Variants in PCDHGB3 observed in about 807,000 individuals in gnomAD.
PCDHGB3 encodes protocadherin gamma-B3.
PCDHGB3 carries 40 observed loss-of-function variants against 59.2 expected under a neutral mutation model. The observed-to-expected ratio is 0.68, with a 90% CI of 0.52 to 0.88. PCDHGB3 has a LOEUF of 0.88. PCDHGB3 is among the 40% of genes least tolerant of loss of function. The pLI, the probability that PCDHGB3 is intolerant of heterozygous loss-of-function variation, is 0.00. For missense variants in PCDHGB3, 1,309 were observed against 1,187.9 expected (o/e 1.10, Z -1.50); for synonymous variants, 581 against 503.6 (o/e 1.15, Z -2.06).
At chr5:141,375,769 C>G in intron 1 of PCDHGB3, 2 of 1,614,238 alleles carry the variant, frequency 1.2e-6, no homozygotes, top group Non-Finnish European at 1.7e-6. Context: ...CGCCCGAGAT[C>G]CTGTACCCCG....
chr5:141,381,725 G>T (rs568567698), intron 1 of PCDHGB3, among the ~76,000 whole-genome samples: 1 of 151,768 alleles, frequency 6.6e-6, no homozygotes, highest in Admixed American at 6.6e-5. Flanking sequence ...AAGACTGGGA[G>T]TGAGAATATT....
intron 1 of PCDHGB3, chr5:141,423,072 G>A: frequency 1.2e-6 from 2 of 1,614,120 alleles, no homozygotes; most frequent in Non-Finnish European, 1.7e-6. Flanking sequence ...CCAGCGAGCC[G>A]GGACTCTTCG....
At chr5:141,393,335 C>T (rs764386599) in intron 1 of PCDHGB3, 1 of 1,613,458 alleles carries the variant, frequency 6.2e-7, no homozygotes, top group South Asian at 1.1e-5. Flanking sequence ...AGCTCAGCCC[C>T]AATCACCACT....
intron 1 of PCDHGB3, chr5:141,410,314 C>T: frequency 6.2e-7 from 1 of 1,614,036 alleles, no homozygotes; most frequent in Non-Finnish European, 8.5e-7. Context: ...TGCTCTTCCT[C>T]CTCGCCGTGA....
intron 1 of PCDHGB3, chr5:141,404,337 C>A (rs766940096): frequency 6.2e-6 from 10 of 1,613,902 alleles, no homozygotes; most frequent in Middle Eastern, 3.3e-4. Flanking sequence ...GTCTACCTCC[C>A]GGAAAACAAC....
At chr5:141,408,266 C>G in intron 1 of PCDHGB3, 1 of 1,608,708 alleles carries the variant, frequency 6.2e-7, no homozygotes, top group Non-Finnish European at 8.5e-7. Flanking sequence ...TCCTTTGCTG[C>G]TGCCTTTGTT....
intron 1 of PCDHGB3, chr5:141,417,840 A>G (rs2096168680): frequency 2.0e-6 from 3 of 1,536,422 alleles, no homozygotes; most frequent in African/African-American, 2.8e-5. Context: ...GCGGGGACCC[A>G]GCGAGAACCC....
chr5:141,423,782 C>A (rs1458189260), intron 1 of PCDHGB3: 2 of 1,243,328 alleles, frequency 1.6e-6, no homozygotes, highest in Non-Finnish European at 1.0e-6. Context: ...ATATTTAGTT[C>A]ATATATATTT....
rs199877605 is a variant in PCDHGB3 at position 141,421,311 on chromosome 5, G to A, written c.2415+48502G>A. The A allele has an allele frequency of 9.5e-5, 154 of 1,613,788 alleles. No individual in the cohort carries two copies. The African/African-American group carries it at 1.9e-3, about 20-fold the overall frequency. On this transcript the variant is annotated intron_variant, in intron 1 of 3. Coordinates refer to ENST00000576222, the MANE Select transcript of PCDHGB3 (RefSeq NM_018924.5). ...TCCTGGGGACGCTGCGGGGGTTCCG[G>A]GCCAGGCAGATCCGATATTCGGTGC... is the stretch of plus-strand genomic sequence containing the variant.
chr5:141,386,298 A>T (rs1459802596), intron 1 of PCDHGB3, among the ~76,000 whole-genome samples: 1 of 152,242 alleles, frequency 6.6e-6, no homozygotes, highest in African/African-American at 2.4e-5. Flanking sequence ...ACATTTTAGT[A>T]AAGCTCAGTA....
At chr5:141,375,139 A>G (rs1406415297) in intron 1 of PCDHGB3, 11 of 1,613,936 alleles carry the variant, frequency 6.8e-6, no homozygotes, top group Non-Finnish European at 9.3e-6. Context: ...TTACATCTGG[A>G]AGCAGAACAA....
intron 1 of PCDHGB3, chr5:141,420,334 T>C: frequency 7.1e-7 from 1 of 1,402,910 alleles, no homozygotes; most frequent in Non-Finnish European, 9.5e-7. Flanking sequence ...TATATTCCAA[T>C]ATAGTGGTAT....
chr5:141,372,879 G>T (rs1269761634), intron 1 of PCDHGB3, 70 bp downstream of exon 1: 2 of 1,265,292 alleles, frequency 1.6e-6, no homozygotes, highest in Admixed American at 2.7e-5. Context: ...GAGATAAAAA[G>T]AATACAGATT....
At chr5:141,404,002 A>G in intron 1 of PCDHGB3, 2 of 1,613,928 alleles carry the variant, frequency 1.2e-6, no homozygotes, top group South Asian at 1.1e-5. Context: ...TGACCATTAC[A>G]TCTCTGTTTA....
chr5:141,394,863 C>T (rs758408774), intron 1 of PCDHGB3: 37 of 1,613,708 alleles, frequency 2.3e-5, no homozygotes, highest in Non-Finnish European at 2.9e-5. Context: ...TTCGGTCGAC[C>T]CGAACGATTC....
chr5:141,418,740 T>C, intron 1 of PCDHGB3: 1 of 1,613,972 alleles, frequency 6.2e-7, no homozygotes, highest in Admixed American at 1.7e-5. Context: ...GTGTTCTCTC[T>C]GGATTACACT....
At chr5:141,428,147 G>T (rs771536400) in intron 1 of PCDHGB3, 1 of 1,589,612 alleles carries the variant, frequency 6.3e-7, no homozygotes, top group South Asian at 1.1e-5. Flanking sequence ...GGCTGCACAC[G>T]GGAACCTGCT....
intron 1 of PCDHGB3, chr5:141,422,871 G>T (rs769543752): frequency 3.7e-6 from 6 of 1,614,098 alleles, no homozygotes; most frequent in Non-Finnish European, 5.1e-6. Context: ...GCAACGTGTC[G>T]CTGAGCCTGT....
chr5:141,501,132 G>T (rs371444727), intron 2 of PCDHGB3, among the ~76,000 whole-genome samples: 2 of 152,262 alleles, frequency 1.3e-5, no homozygotes, highest in East Asian at 3.9e-4. Flanking sequence ...CTCCCTAAGT[G>T]CTGGGATTAC....
Sources: allele counts gnomAD v4.1 joint callset (sites outside exome capture counted in the v4.1 genomes callset), GRCh38; gene constraint gnomAD v4.1.1; transcripts MANE v1.5; gene names NCBI Gene and HGNC (gene_info 2026-07-23, HGNC 2026-07-21).